CDCA7L: variants seen among roughly 807,000 people sequenced by gnomAD.
CDCA7L encodes cell division cycle associated 7 like.
In CDCA7L, 44 loss-of-function variants were observed where a neutral mutation model predicts 57.4. That is an observed-to-expected ratio of 0.77 (90% CI 0.60 to 0.98). The LOEUF (loss-of-function observed/expected upper bound fraction) is 0.98, where lower values mean the gene tolerates loss of function less well. Among genes scored for constraint, CDCA7L ranks in the 50% least tolerant of loss-of-function variants. The pLI, the probability that CDCA7L is intolerant of heterozygous loss-of-function variation, is 0.00. For missense variants in CDCA7L, 644 were observed against 580.6 expected, an observed-to-expected ratio of 1.11 and a Z score of -1.12; for synonymous variants, 236 against 202.8, an observed-to-expected ratio of 1.16 and a Z score of -1.39.
intron 1 of CDCA7L, chr7:21,940,366 A>T: frequency 1.1e-6 from 1 of 908,082 alleles, no homozygotes; most frequent in Non-Finnish European, 1.3e-6. Flanking sequence ...GTATATTACT[A>T]ACAATACTAC....
At chr7:21,918,932 T>C (rs773251906) in intron 1 of CDCA7L, among the ~76,000 whole-genome samples, 4 of 152,196 alleles carry the variant, frequency 2.6e-5, no homozygotes, top group Non-Finnish European at 5.9e-5. Flanking sequence ...GTGAATAGCC[T>C]CCCTGATAAC....
chr7:21,944,890 AC>A (rs1190059665), intron 1 of CDCA7L: 1 of 151,928 alleles, frequency 6.6e-6, no homozygotes, highest in Non-Finnish European at 1.5e-5. Flanking sequence ...AAAAAAAAAA[AC>A]AATCCTCGCA....
intron 1 of CDCA7L, among the ~76,000 whole-genome samples, chr7:21,928,608 A>G (rs1187329394): frequency 6.6e-6 from 1 of 152,022 alleles, no homozygotes; most frequent in Non-Finnish European, 1.5e-5. Context: ...AAAGAACATA[A>G]ATGACCTGAT....
intron 1 of CDCA7L, among the ~76,000 whole-genome samples, chr7:21,927,702 G>A (rs533270207): frequency 4.6e-5 from 7 of 152,250 alleles, no homozygotes; most frequent in South Asian, 4.1e-4. Context: ...AGGACAACTC[G>A]GAAGAGGTCC....
intron 1 of CDCA7L, among the ~76,000 whole-genome samples, chr7:21,944,510 A>C (rs1786451509): frequency 6.6e-6 from 1 of 151,584 alleles, no homozygotes; most frequent in Non-Finnish European, 1.5e-5. Context: ...GCAAAAAATA[A>C]AAAATCGAAC....
At chr7:21,945,474 C>T (rs1786491965) in intron 1 of CDCA7L, among the ~76,000 whole-genome samples, 1 of 152,154 alleles carries the variant, frequency 6.6e-6, no homozygotes, top group African/African-American at 2.4e-5. Context: ...GGGCTGCAAA[C>T]GCAGGCGCTG....
chr7:21,913,481 G>A (rs773210578), intron 2 of CDCA7L, among the ~76,000 whole-genome samples: 31 of 152,234 alleles, frequency 2.0e-4, no homozygotes, highest in Non-Finnish European at 3.7e-4. Context: ...GAGCCTGTGG[G>A]GTCGGGGTAG....
chr7:21,905,870 T>C (rs920472995), intron 6 of CDCA7L, among the ~76,000 whole-genome samples: 4 of 152,148 alleles, frequency 2.6e-5, no homozygotes, highest in African/African-American at 9.7e-5. Flanking sequence ...TGCTGTAAAC[T>C]CTGTGGAGAG....
At position 21,945,895 on chromosome 7, in the gene CDCA7L, C is replaced by G. The variant is rs183714786; in HGVS notation, c.-91G>C. The G allele has an allele frequency of 0.011, 14,881 of 1,410,916 alleles. 123 individuals are homozygous for G. Among genetic ancestry groups the G allele is most frequent in the Non-Finnish European group, 0.012 (12,329 of 1,051,966 alleles). The allele number at this position is 1,410,916 out of a possible 1,614,324, so 87.4% of individuals were successfully genotyped here. ...CGGCGCACCAAGAACGCCCCGCGCCCGAGCAGCTAGCGCGCTCCGCCCGGA... is the reference window on the plus strand; with the variant it reads ...CGGCGCACCAAGAACGCCCCGCGCCGGAGCAGCTAGCGCGCTCCGCCCGGA... On this transcript the variant is annotated 5_prime_UTR_variant, in exon 1 of 10. Coordinates refer to ENST00000406877, the MANE Select transcript of CDCA7L (RefSeq NM_018719.5).
At position 21,930,015 on chromosome 7, in the gene CDCA7L, A is replaced by G. The variant is rs540708812; in HGVS notation, c.25-13121T>C. Among the ~76,000 whole-genome samples, 108 of 152,326 alleles carry G rather than the reference A, an allele frequency of 7.1e-4. 4 individuals carry two copies. In the South Asian group the frequency reaches 0.019, roughly 27 times the overall value. On this transcript the variant is annotated intron_variant, in intron 1 of 9. Transcript: ENST00000406877. ...TCCACCCCAAATCAACAGAATATACATTCTTCTCAGCACCACATCAGACTT... is the reference window on the plus strand; with the variant it reads ...TCCACCCCAAATCAACAGAATATACGTTCTTCTCAGCACCACATCAGACTT...
intron 9 of CDCA7L, chr7:21,902,765 G>A: frequency 1.9e-6 from 1 of 538,102 alleles, no homozygotes; most frequent in Non-Finnish European, 3.2e-6. Context: ...ACGTGGAGTT[G>A]AGTTGAAAAA....
At chr7:21,929,451 A>G (rs1785933924) in intron 1 of CDCA7L, among the ~76,000 whole-genome samples, 1 of 152,068 alleles carries the variant, frequency 6.6e-6, no homozygotes, top group Non-Finnish European at 1.5e-5. Flanking sequence ...ATTCACACAT[A>G]ACAATATTAA....
At chr7:21,913,003 G>T (rs192056179) in intron 2 of CDCA7L, among the ~76,000 whole-genome samples, 2 of 152,172 alleles carry the variant, frequency 1.3e-5, no homozygotes, top group East Asian at 3.9e-4. Context: ...CAAGACTAGA[G>T]TCTGTCCCCA....
chr7:21,911,552 A>G (rs1785327739), intron 3 of CDCA7L, 65 bp downstream of exon 3: 1 of 1,526,354 alleles, frequency 6.6e-7, no homozygotes. Flanking sequence ...GCTTACAAGT[A>G]AAACTCTTTC....
intron 2 of CDCA7L, among the ~76,000 whole-genome samples, chr7:21,914,485 A>G (rs551850774): frequency 6.6e-6 from 1 of 152,330 alleles, no homozygotes; most frequent in African/African-American, 2.4e-5. Flanking sequence ...TTCATGGAAG[A>G]AGTAGCATAA....
At chr7:21,918,276 G>T (rs536134220) in intron 1 of CDCA7L, among the ~76,000 whole-genome samples, 1 of 152,158 alleles carries the variant, frequency 6.6e-6, no homozygotes, top group African/African-American at 2.4e-5. Flanking sequence ...GATCCTCCCC[G>T]TAATTATCTG....
intron 1 of CDCA7L, among the ~76,000 whole-genome samples, chr7:21,926,348 T>A: frequency 6.6e-6 from 1 of 151,932 alleles, no homozygotes; most frequent in Admixed American, 6.6e-5. Context: ...AGCAAGAAAG[T>A]GAAAAGAAAA....
intron 1 of CDCA7L, among the ~76,000 whole-genome samples, chr7:21,940,581 C>T (rs1367494032): frequency 6.6e-6 from 1 of 152,170 alleles, no homozygotes. Context: ...CCAGGTACTC[C>T]AGAAGTTCCC....
intron 8 of CDCA7L, 132 bp from the exon 9 acceptor site, chr7:21,903,246 C>T (rs895371368): frequency 3.3e-5 from 26 of 789,780 alleles, no homozygotes; most frequent in East Asian, 5.5e-5. Flanking sequence ...CAGTCTACGT[C>T]CCAGGGGGCT....
Sources: allele counts gnomAD v4.1 joint callset (sites outside exome capture counted in the v4.1 genomes callset), GRCh38; gene constraint gnomAD v4.1.1; transcripts MANE v1.5; gene names NCBI Gene and HGNC (gene_info 2026-07-23, HGNC 2026-07-21).